The following SFI1 variants were observed in gnomAD, a reference collection of about 807,000 sequenced individuals.
SFI1 encodes the protein SFI1 centrin binding protein, also known as protein SFI1 homolog.
SFI1 carries 195 observed loss-of-function variants against 207.5 expected under a neutral mutation model. That is an observed-to-expected ratio of 0.94 (90% confidence interval 0.84 to 1.06). The LOEUF is 1.06. SFI1 is among the 50% of genes least tolerant of loss of function. The probability of loss-of-function intolerance (pLI) is 0.00; values close to 1 mark genes in which losing one functional copy is unlikely to be tolerated. For synonymous variants in SFI1, 630 were observed against 598.9 expected, an observed-to-expected ratio of 1.05 and a Z score of -0.76; for missense variants, 1,634 against 1,588.0, an observed-to-expected ratio of 1.03 and a Z score of -0.49.
intron 9 of SFI1, 63 bp downstream of exon 9, chr22:31,573,277 C>A (rs2063137039): frequency 1.1e-5 from 18 of 1,566,586 alleles, no homozygotes; most frequent in Non-Finnish European, 1.6e-5. Context: ...TCTCCTGCTG[C>A]CAGTGGTACT....
intron 2 of SFI1, among the ~76,000 whole-genome samples, chr22:31,515,648 G>A (rs540718680): frequency 6.6e-6 from 1 of 151,716 alleles, no homozygotes; most frequent in East Asian, 1.9e-4. Context: ...CCCTCCCAAA[G>A]TACTGGGATT....
At chr22:31,508,486 G>A (rs1239991342) in intron 2 of SFI1, 110 bp downstream of exon 2, 11 of 732,634 alleles carry the variant, frequency 1.5e-5, no homozygotes, top group Admixed American at 3.0e-5. Flanking sequence ...GTAACTGTGG[G>A]TAAGTTTTTT....
At chr22:31,516,885 C>T (rs2056594283) in intron 2 of SFI1, among the ~76,000 whole-genome samples, 1 of 151,732 alleles carries the variant, frequency 6.6e-6, no homozygotes, top group Admixed American at 6.6e-5. Flanking sequence ...ACCTGGGAGG[C>T]GGAGGTTGCA....
chr22:31,543,211 C>A (rs1251268726), intron 4 of SFI1, among the ~76,000 whole-genome samples: 3 of 152,008 alleles, frequency 2.0e-5, no homozygotes, highest in Non-Finnish European at 4.4e-5. Flanking sequence ...ACCTCATGAT[C>A]CACCCGCCTT....
At chr22:31,551,131 G>A (rs997057668) in intron 6 of SFI1, among the ~76,000 whole-genome samples, 2 of 152,136 alleles carry the variant, frequency 1.3e-5, no homozygotes, top group South Asian at 4.1e-4. Context: ...TGTTGTAAGT[G>A]CCACTTCATT....
chr22:31,618,126 G>A lies in SFI1; in HGVS notation c.3524G>A (p.Arg1175Gln), dbSNP rs200277066. The A allele has an allele frequency of 1.6e-5, 25 of 1,575,938 alleles. 1 individual carries two copies. The highest frequency in any genetic ancestry group is 2.1e-4 in the Middle Eastern group (1 of 4,742). Reference protein sequence around the residue: ...TTKQNLWSCRRQASSLRRWLE... With the variant: ...TTKQNLWSCRQQASSLRRWLE... ...TCTCCACCCCTCAGGTCCTGTCGGC[G>A]GCAAGCGAGCAGCCTGCGCAGGTGG... Residue 1175 changes from arginine (R) to glutamine (Q), a missense_variant, in exon 32 of 33, where the codon CGG becomes CAG. Physicochemically the swap from Arg to Gln is conservative, Grantham distance 43. Transcript: ENST00000400288.
intron 8 of SFI1, among the ~76,000 whole-genome samples, chr22:31,562,986 T>C (rs2061881186): frequency 1.3e-5 from 1 of 78,854 alleles, no homozygotes; most frequent in Non-Finnish European, 2.4e-5. Context: ...TCATCTTTTA[T>C]ATATATATAT....
chr22:31,559,921 C>CG, intron 7 of SFI1: 1 of 594,480 alleles, frequency 1.7e-6, no homozygotes, highest in Non-Finnish European at 3.1e-6. Flanking sequence ...GTACCATGGG[C>CG]GGGTCCAAGA....
chr22:31,500,723 C>T (rs1016261607), intron 1 of SFI1, among the ~76,000 whole-genome samples: 15 of 152,046 alleles, frequency 9.9e-5, no homozygotes, highest in African/African-American at 3.6e-4. Flanking sequence ...TCCCAAAGTG[C>T]TGGGATTACA....
At chr22:31,550,216 T>C in intron 5 of SFI1, 38 bp from the exon 6 acceptor site, 1 of 1,575,636 alleles carries the variant, frequency 6.3e-7, no homozygotes, top group Non-Finnish European at 8.7e-7. Context: ...CGGCCTGTTA[T>C]TTTGAAGAAA....
chr22:31,508,452 A>T, intron 2 of SFI1, 76 bp downstream of exon 2: 1 of 1,065,348 alleles, frequency 9.4e-7, no homozygotes, highest in Non-Finnish European at 1.4e-6. Flanking sequence ...GTGTATGAAA[A>T]AATTATAAAT....
chr22:31,534,625 A>G (rs915825225), intron 4 of SFI1, among the ~76,000 whole-genome samples: 2 of 152,248 alleles, frequency 1.3e-5, no homozygotes, highest in African/African-American at 4.8e-5. Flanking sequence ...CAGCACCTCA[A>G]AGATATTCCA....
intron 6 of SFI1, among the ~76,000 whole-genome samples, chr22:31,553,124 T>A (rs758868509): frequency 6.6e-6 from 1 of 152,174 alleles, no homozygotes; most frequent in Non-Finnish European, 1.5e-5. Flanking sequence ...ATTACAAGCA[T>A]AAGCCACTGC....
chr22:31,559,603 A>G lies in SFI1; in HGVS notation c.663-1687A>G, dbSNP rs1858121546. The G allele has an allele frequency of 5.9e-6, 4 of 674,700 alleles. No homozygotes were observed. The Admixed American group carries it at 7.4e-5, about 12-fold the overall frequency. The allele number at this position is 674,700 out of a possible 1,614,324, so 41.8% of individuals were successfully genotyped here. A position where few individuals can be genotyped will look rare whatever the true frequency, so the allele number is the denominator to read the frequency against. On this transcript the variant is annotated intron_variant, in intron 7 of 32. Coordinates refer to ENST00000400288, the MANE Select transcript of SFI1 (RefSeq NM_001007467.3). ...CATTAAGGATGTGGGTTGACAGTAC[A>G]CTCATAGTGTTGAGGAAAGCTGACG... is the stretch of plus-strand genomic sequence containing the variant.
At chr22:31,500,987 C>T (rs1403902922) in intron 1 of SFI1, among the ~76,000 whole-genome samples, 4 of 151,002 alleles carry the variant, frequency 2.6e-5, no homozygotes, top group Non-Finnish European at 5.9e-5. Flanking sequence ...TTTAGTAGAA[C>T]GGGGTTTCAC....
chr22:31,604,458 G>A (rs2068635465), intron 19 of SFI1, 54 bp downstream of exon 19: 1 of 1,393,536 alleles, frequency 7.2e-7, no homozygotes, highest in Non-Finnish European at 9.5e-7. Context: ...GGAGGTTTCT[G>A]GAGACTTTGT....
At chr22:31,551,500 C>A (rs190261891) in intron 6 of SFI1, among the ~76,000 whole-genome samples, 8 of 152,264 alleles carry the variant, frequency 5.3e-5, no homozygotes, top group African/African-American at 1.4e-4. Flanking sequence ...AAGTAACTTA[C>A]GCTGTTTGTT....
At chr22:31,525,441 A>G (rs2057792004) in intron 2 of SFI1, among the ~76,000 whole-genome samples, 1 of 152,092 alleles carries the variant, frequency 6.6e-6, no homozygotes, top group Non-Finnish European at 1.5e-5. Flanking sequence ...TCAAAAATAA[A>G]TTGGCACTGG....
At chr22:31,616,576 G>C in intron 29 of SFI1, 169 bp from the exon 30 acceptor site, 4 of 665,542 alleles carry the variant, frequency 6.0e-6, no homozygotes. Flanking sequence ...TGCAGGGGCA[G>C]GCTAGACACT....
Sources: gnomAD v4.1 joint callset for allele counts (sites outside exome capture counted in the v4.1 genomes callset) on GRCh38, gnomAD v4.1.1 for gene constraint, MANE v1.5 for transcripts, NCBI Gene and HGNC (gene_info 2026-07-23, HGNC 2026-07-21) for gene names.